Variants in DPH6 observed in about 807,000 individuals in gnomAD.
DPH6 encodes diphthamine biosynthesis 6.
In DPH6, 33 loss-of-function variants were observed where a neutral mutation model predicts 38.2. The observed-to-expected ratio is 0.86, with a 90% CI of 0.65 to 1.15. The LOEUF (loss-of-function observed/expected upper bound fraction) is 1.15. DPH6 is among the 50% of genes most tolerant of loss of function. The pLI, the probability that DPH6 is intolerant of heterozygous loss-of-function variation, is 0.00. For synonymous variants in DPH6, 108 were observed against 103.0 expected (o/e 1.05, Z -0.30); for missense variants, 325 against 320.0 (o/e 1.02, Z -0.12).
At chr15:35,473,227 A>G (rs2054219077) in intron 3 of DPH6, among the ~76,000 whole-genome samples, 1 of 152,164 alleles carries the variant, frequency 6.6e-6, no homozygotes, top group Non-Finnish European at 1.5e-5. Flanking sequence ...GAATTGTCTC[A>G]TTTTTATATA....
At chr15:35,298,940 C>T (rs2052034265) in intron 3 of DPH6, 1 of 791,470 alleles carries the variant, frequency 1.3e-6, no homozygotes, top group Non-Finnish European at 2.3e-6. Flanking sequence ...CAGCTCCGCC[C>T]ATACTTGTTT....
At chr15:35,521,661 C>G in intron 3 of DPH6, 1 of 1,230,518 alleles carries the variant, frequency 8.1e-7, no homozygotes, top group Non-Finnish European at 1.0e-6. Context: ...GGATATTTAA[C>G]TAGATATTTT....
At chr15:35,531,479 A>G (rs1370267091) in intron 3 of DPH6, among the ~76,000 whole-genome samples, 1 of 152,116 alleles carries the variant, frequency 6.6e-6, no homozygotes, top group Admixed American at 6.6e-5. Flanking sequence ...TACATTAAAA[A>G]AATTTTTTTT....
chr15:35,179,901 T>C, the DPH6 span, among the ~76,000 whole-genome samples: 7 of 152,220 alleles, frequency 4.6e-5, no homozygotes, highest in Admixed American at 4.6e-4. Context: ...GTGTAGTATG[T>C]ATTGTATTTC....
At chr15:35,186,879 T>C in the DPH6 span, among the ~76,000 whole-genome samples, 1 of 152,138 alleles carries the variant, frequency 6.6e-6, no homozygotes, top group African/African-American at 2.4e-5. Context: ...AATATGAAGA[T>C]TCCTCAAAAA....
chr15:35,220,963 TA>T (rs1391182297), intron 3 of DPH6, among the ~76,000 whole-genome samples: 1 of 152,136 alleles, frequency 6.6e-6, no homozygotes, highest in Non-Finnish European at 1.5e-5. Context: ...TGGGTGAGAT[TA>T]AAGGCACAAT....
chr15:35,202,235 T>C, the DPH6 span, among the ~76,000 whole-genome samples: 1 of 151,788 alleles, frequency 6.6e-6, no homozygotes, highest in Non-Finnish European at 1.5e-5. Context: ...CTAGGCACGT[T>C]TGAAAGGCCT....
At chr15:35,199,480 C>A in the DPH6 span, among the ~76,000 whole-genome samples, 1 of 151,906 alleles carries the variant, frequency 6.6e-6, no homozygotes, top group African/African-American at 2.4e-5. Flanking sequence ...ATGAAATAAT[C>A]AAAGATTGTT....
chr15:35,283,453 T>C (rs2140438535), intron 3 of DPH6, among the ~76,000 whole-genome samples: 1 of 151,774 alleles, frequency 6.6e-6, no homozygotes, highest in African/African-American at 2.4e-5. Context: ...CCCACCACCA[T>C]GCCCAGCTAA....
intron 3 of DPH6, among the ~76,000 whole-genome samples, chr15:35,296,804 C>CTTTTTTT (rs772132282): frequency 1.6e-5 from 2 of 127,332 alleles, no homozygotes; most frequent in African/African-American, 3.5e-5. Context: ...GGCCTGGCTT[C>CTTTTTTT]TTTTTTTTTT....
the DPH6 span, among the ~76,000 whole-genome samples, chr15:35,158,219 A>AG: frequency 0.71 from 108,059 of 151,744 alleles, 39,702 homozygotes; most frequent in Middle Eastern, 0.83. Flanking sequence ...GGCAGAAATG[A>AG]GGGGAAAAAA....
At chr15:35,396,532 A>G (rs975738703) in intron 6 of DPH6, 1 of 152,160 alleles carries the variant, frequency 6.6e-6, no homozygotes, top group Non-Finnish European at 1.5e-5. Context: ...GCCAGTCAAA[A>G]ATCCTATCTA....
chr15:35,357,703 T>C (rs2052577055), intron 3 of DPH6, among the ~76,000 whole-genome samples: 1 of 152,218 alleles, frequency 6.6e-6, no homozygotes, highest in African/African-American at 2.4e-5. Flanking sequence ...AGACCGAAGA[T>C]ATGGCCCCAA....
At chr15:35,456,353 AG>A (rs2053996304) in intron 3 of DPH6, among the ~76,000 whole-genome samples, 1 of 151,600 alleles carries the variant, frequency 6.6e-6, no homozygotes, top group African/African-American at 2.4e-5. Flanking sequence ...AAAATAATGA[AG>A]TACTAAATAT....
chr15:35,395,346 C>T (rs953209872), intron 6 of DPH6, among the ~76,000 whole-genome samples: 8 of 152,104 alleles, frequency 5.3e-5, no homozygotes, highest in Admixed American at 1.3e-4. Flanking sequence ...ACTCCTAATC[C>T]ATGAATACTG....
the DPH6 span, among the ~76,000 whole-genome samples, chr15:35,177,445 G>A: frequency 5.9e-3 from 879 of 148,258 alleles, 4 homozygotes; most frequent in Non-Finnish European, 0.01. Context: ...AATTAGCTGA[G>A]CATGATGGTG....
intron 3 of DPH6, among the ~76,000 whole-genome samples, chr15:35,469,888 A>G (rs2054176067): frequency 1.3e-5 from 2 of 152,124 alleles, no homozygotes; most frequent in South Asian, 4.1e-4. Context: ...TGGGCAGGGA[A>G]AGAAGAGTCT....
At chr15:35,341,774 G>A (rs575162534) in intron 3 of DPH6, among the ~76,000 whole-genome samples, 46 of 152,280 alleles carry the variant, frequency 3.0e-4, no homozygotes, top group Admixed American at 5.9e-4. Context: ...CTGACCTGTC[G>A]CTGTTCCAAA....
intron 3 of DPH6, among the ~76,000 whole-genome samples, chr15:35,473,913 A>AGTGTGTGTGTGTGTGTGTGT (rs58549209): frequency 7.9e-6 from 1 of 126,790 alleles, no homozygotes; most frequent in African/African-American, 2.6e-5. Context: ...CACTGTGCAC[A>AGTGTGTGTGTGTGTGTGTGT]GTGTGTGTGT....
Sources: gnomAD v4.1 joint callset for allele counts (sites outside exome capture counted in the v4.1 genomes callset) on GRCh38, gnomAD v4.1.1 for gene constraint, MANE v1.5 for transcripts, NCBI Gene and HGNC (gene_info 2026-07-23, HGNC 2026-07-21) for gene names.